The following GATAD2A variants were observed in gnomAD, a reference collection of about 807,000 sequenced individuals.
GATAD2A encodes GATA zinc finger domain containing 2A, also known as transcriptional repressor p66-alpha.
Under a neutral mutation model 68.5 loss-of-function variants are expected in GATAD2A, and 12 were observed. The ratio of observed to expected loss-of-function variants is 0.18; its 90% confidence interval spans 0.11 to 0.28. GATAD2A has a LOEUF of 0.28. Ranked by LOEUF, GATAD2A falls within the 10% of genes least tolerant of loss-of-function variation. The pLI is 1.00. For synonymous variants in GATAD2A, 410 were observed against 375.3 expected, an observed-to-expected ratio of 1.09 and a Z score of -1.07; for missense variants, 755 against 868.5, an observed-to-expected ratio of 0.87 and a Z score of 1.64.
intron 1 of GATAD2A, among the ~76,000 whole-genome samples, chr19:19,414,671 G>A (rs559377485): frequency 3.5e-4 from 53 of 150,200 alleles, no homozygotes; most frequent in Non-Finnish European, 6.1e-4. Context: ...CAAGTAGCTG[G>A]GATTACAGGC....
At chr19:19,492,156 G>A (rs986860861) in intron 2 of GATAD2A, 150 bp from the exon 3 acceptor site, 2 of 809,396 alleles carry the variant, frequency 2.5e-6, no homozygotes, top group Middle Eastern at 2.6e-4. Context: ...AGGCAGCCTG[G>A]GAGCCATGGG....
At chr19:19,440,095 G>C (rs1307441758) in intron 1 of GATAD2A, 2 of 392,180 alleles carry the variant, frequency 5.1e-6, no homozygotes, top group African/African-American at 4.4e-5. Context: ...CCTGAGTGAA[G>C]GGAGGAAGGA....
chr19:19,395,474 C>T (rs1475114897), intron 1 of GATAD2A, among the ~76,000 whole-genome samples: 2 of 151,748 alleles, frequency 1.3e-5, no homozygotes. Context: ...AAATAGAAAA[C>T]ATGTTCAAGT....
intron 1 of GATAD2A, among the ~76,000 whole-genome samples, chr19:19,387,319 C>T (rs1372689425): frequency 2.0e-5 from 3 of 151,186 alleles, no homozygotes; most frequent in Non-Finnish European, 4.4e-5. Flanking sequence ...CTGACTTGTC[C>T]CCCTTTCTTT....
At chr19:19,462,148 G>T (rs769585609) in intron 1 of GATAD2A, among the ~76,000 whole-genome samples, 2 of 152,212 alleles carry the variant, frequency 1.3e-5, no homozygotes, top group South Asian at 2.1e-4. Context: ...CATCTGTCGC[G>T]CTTTCTTCTT....
intron 1 of GATAD2A, among the ~76,000 whole-genome samples, chr19:19,452,177 C>A (rs181475715): frequency 5.8e-4 from 89 of 152,304 alleles, no homozygotes; most frequent in African/African-American, 1.9e-3. Flanking sequence ...CCCACTGTTT[C>A]CTTTGTCTGT....
Position 19,438,176 on chromosome 19 carries a change from C to G in GATAD2A, c.-6-27164C>G, listed in dbSNP as rs575878268. Among the ~76,000 whole-genome samples the G allele has an allele frequency of 2.0e-5, 3 of 152,344 alleles. No individual in the cohort carries two copies. In the South Asian group the frequency reaches 6.2e-4, roughly 32 times the overall value. The stretch of plus-strand genomic sequence containing the variant: ...GCTGTAACTACTATTTGGGGGATGT[C>G]AGGCATTGACAGAAACAGAGGGTAG... On this transcript the variant is annotated intron_variant, in intron 1 of 11. Transcript: ENST00000683918.
Position 19,470,147 on chromosome 19 carries a change from TTTTTTTTG to T in GATAD2A, c.269+4541_269+4548del, listed in dbSNP as rs1300503670. 7.4e-5 allele frequency among the ~76,000 whole-genome samples: 10 copies of T among 136,024 alleles called. 1 individual carries two copies. Among genetic ancestry groups the T allele is most frequent in the African/African-American group, 2.0e-4 (7 of 35,120 alleles). The allele number at this position is 136,024 out of a possible 152,430, so 89.2% of individuals were successfully genotyped here. ...CTAGAGCCAAACTGCGACTTTATTT[TTTTTTTTG>T]TTTTTTTTTTTTTGAGACAGAGTCT... is the stretch of plus-strand genomic sequence containing the variant. On this transcript the variant is annotated intron_variant, in intron 2 of 11. Coordinates refer to ENST00000683918, the MANE Select transcript of GATAD2A (RefSeq NM_001384528.1).
At chr19:19,398,365 AG>A (rs1453344173) in intron 1 of GATAD2A, among the ~76,000 whole-genome samples, 1 of 151,438 alleles carries the variant, frequency 6.6e-6, no homozygotes, top group Non-Finnish European at 1.5e-5. Context: ...TACCACGCCC[AG>A]CTAATTTTTG....
In GATAD2A at chr19:19,505,600, G is replaced by A. The variant is rs369561692; in HGVS notation, c.*126G>A. 7.2e-4 allele frequency: 601 copies of A among 836,304 alleles called. 6 individuals are homozygous for A. The South Asian group carries it at 9.6e-3, about 13-fold the overall frequency. The allele number at this position is 836,304 out of a possible 1,614,324, so 51.8% of individuals were successfully genotyped here. On this transcript the variant is annotated 3_prime_UTR_variant, in exon 12 of 12. Coordinates refer to ENST00000683918, the MANE Select transcript of GATAD2A (RefSeq NM_001384528.1). The stretch of plus-strand genomic sequence containing the variant: ...CGTGCCCGCCCCAAGAGCAAGCACC[G>A]GCCATGCTGCAGAGGCAAGACCTCA...
chr19:19,495,995 C>A, intron 6 of GATAD2A, 57 bp from the exon 7 acceptor site: 1 of 1,590,600 alleles, frequency 6.3e-7, no homozygotes, highest in Non-Finnish European at 8.6e-7. Context: ...GCCTTCCGGT[C>A]CCGCTCCATT....
chr19:19,428,100 G>A (rs2053309431), intron 1 of GATAD2A: 1 of 152,160 alleles, frequency 6.6e-6, no homozygotes, highest in Non-Finnish European at 1.5e-5. Flanking sequence ...TAGATCCTCA[G>A]TATTAGAGAA....
chr19:19,493,259 G>T (rs1169304639), intron 4 of GATAD2A, among the ~76,000 whole-genome samples: 15 of 152,212 alleles, frequency 9.9e-5, no homozygotes, highest in Admixed American at 9.8e-4. Flanking sequence ...TTAGACAACA[G>T]GTGTCAAGGA....
intron 1 of GATAD2A, among the ~76,000 whole-genome samples, chr19:19,458,861 C>T (rs759255860): frequency 5.3e-5 from 8 of 152,190 alleles, no homozygotes; most frequent in Non-Finnish European, 8.8e-5. Context: ...TAGTCCTATG[C>T]GTTGGAGTAT....
In GATAD2A at chr19:19,396,739, C is replaced by T. The variant is rs143830987; in HGVS notation, c.-7+10601C>T. Among the ~76,000 whole-genome samples, 734 of 152,178 alleles carry T rather than the reference C, an allele frequency of 4.8e-3. 9 individuals carry two copies. The highest frequency in any genetic ancestry group is 0.011 in the Admixed American group (173 of 15,266). The stretch of plus-strand genomic sequence containing the variant: ...TTCTTTCTTTTTTTTGAGACAGTCT[C>T]GCTATGTTGCCCAGGCTGGAGTGCA... On this transcript the variant is annotated intron_variant, in intron 1 of 11. Coordinates refer to the GATAD2A transcript ENST00000360315.
chr19:19,456,111 G>A (rs1171090824), intron 1 of GATAD2A, among the ~76,000 whole-genome samples: 4 of 145,532 alleles, frequency 2.7e-5, no homozygotes, highest in Non-Finnish European at 5.9e-5. Flanking sequence ...CCGAGATCGC[G>A]CCACTGCACT....
In GATAD2A at chr19:19,465,417, G is replaced by A; in HGVS notation, c.72G>A (p.Val24=). 4 of 1,613,754 alleles carry A rather than the reference G, an allele frequency of 2.5e-6. No homozygotes were observed. Among genetic ancestry groups the A allele is most frequent in the Non-Finnish European group, 3.4e-6 (4 of 1,179,632 alleles). ...AACGGGACCCAACAGAGGACGATGT[G>A]GAGAGCAAGAAAATAAAAATGGAGA... is the stretch of plus-strand genomic sequence containing the variant. ...ALERDPTEDD[V]ESKKIKMERG... is the part of the protein sequence containing the mutation. Residue 24 remains valine, a synonymous_variant, in exon 2 of 12, where the codon GTG becomes GTA. Coordinates refer to ENST00000683918, the MANE Select transcript of GATAD2A (RefSeq NM_001384528.1).
intron 1 of GATAD2A, among the ~76,000 whole-genome samples, chr19:19,446,544 A>G (rs60003758): frequency 0.19 from 29,214 of 151,570 alleles, 3,034 homozygotes; most frequent in South Asian, 0.35. Context: ...TGCAGTCCAA[A>G]TTATCTTTTT....
At chr19:19,422,282 C>G (rs569689218) in intron 1 of GATAD2A, among the ~76,000 whole-genome samples, 4 of 152,202 alleles carry the variant, frequency 2.6e-5, no homozygotes, top group African/African-American at 9.7e-5. Flanking sequence ...TGCTTCCCAC[C>G]GCAGGAGGCA....
Sources: gnomAD v4.1 joint callset for allele counts (sites outside exome capture counted in the v4.1 genomes callset) on GRCh38, gnomAD v4.1.1 for gene constraint, MANE v1.5 for transcripts, NCBI Gene and HGNC (gene_info 2026-07-23, HGNC 2026-07-21) for gene names.